Variants in NKAIN3 observed in about 807,000 individuals in gnomAD.
The protein encoded by NKAIN3 is sodium/potassium transporting ATPase interacting 3.
Under a neutral mutation model 30.2 loss-of-function variants are expected in NKAIN3, and 25 were observed. The ratio of observed to expected loss-of-function variants is 0.83; its 90% confidence interval spans 0.60 to 1.16. The LOEUF (loss-of-function observed/expected upper bound fraction) is 1.16. Ranked by LOEUF, NKAIN3 falls within the 50% of genes most tolerant of loss-of-function variation. NKAIN3 has a pLI of 0.00. For missense variants in NKAIN3, 225 were observed against 254.1 expected (o/e 0.89, Z 0.78); for synonymous variants, 91 against 89.6 (o/e 1.02, Z -0.09).
chr8:62,699,702 C>A (rs536983789), intron 3 of NKAIN3, among the ~76,000 whole-genome samples: 36 of 152,198 alleles, frequency 2.4e-4, no homozygotes, highest in Non-Finnish European at 4.6e-4. Context: ...ATTAACATTC[C>A]TGGAGTTATG....
intron 5 of NKAIN3, among the ~76,000 whole-genome samples, chr8:62,953,243 T>C (rs567388966): frequency 6.6e-6 from 1 of 152,322 alleles, no homozygotes; most frequent in South Asian, 2.1e-4. Context: ...AAGTAATTAG[T>C]ATCTTTAATG....
chr8:62,476,240 A>G (rs753357031), intron 1 of NKAIN3, among the ~76,000 whole-genome samples: 13 of 152,318 alleles, frequency 8.5e-5, no homozygotes, highest in Admixed American at 3.3e-4. Context: ...ATAGATATAT[A>G]AAAGCACAGA....
rs12674753 is a variant in NKAIN3 at position 62,582,682 on chromosome 8, A to G, written c.192+3006A>G. On this transcript the variant is annotated intron_variant, in intron 2 of 6. Transcript: ENST00000623646. ...GTTCTGATTTACTCATTAAGCATCT[A>G]TTGAGGACCTGTACTGTGCTAAGTT... Among the ~76,000 whole-genome samples, 283 of 152,292 alleles carry G rather than the reference A, an allele frequency of 1.9e-3. 7 individuals carry two copies. The East Asian group carries it at 0.047, about 25-fold the overall frequency.
At chr8:62,414,397 A>G (rs1217246263) in intron 1 of NKAIN3, among the ~76,000 whole-genome samples, 1 of 148,518 alleles carries the variant, frequency 6.7e-6, no homozygotes, top group Non-Finnish European at 1.5e-5. Context: ...ACATTGAGGA[A>G]TGGGAAGTGT....
chr8:62,918,314 C>T (rs921532524), intron 4 of NKAIN3, 139 bp from the exon 5 acceptor site: 2 of 680,480 alleles, frequency 2.9e-6, no homozygotes, highest in Non-Finnish European at 5.2e-6. Flanking sequence ...AAAATCACAG[C>T]TATCATTTTA....
chr8:62,823,172 G>A (rs1009203258), intron 4 of NKAIN3, among the ~76,000 whole-genome samples: 7 of 152,092 alleles, frequency 4.6e-5, no homozygotes, highest in Non-Finnish European at 1.0e-4. Context: ...TGTACACTTA[G>A]GCTACACAAC....
At chr8:62,833,174 T>C (rs1819250117) in intron 4 of NKAIN3, among the ~76,000 whole-genome samples, 1 of 152,080 alleles carries the variant, frequency 6.6e-6, no homozygotes, top group South Asian at 2.1e-4. Context: ...CCAAAATCTT[T>C]GGGATGCAGC....
chr8:62,859,508 T>TAAAAAAAAAACAAAAAAAAAAAA (rs1820173855), intron 4 of NKAIN3, among the ~76,000 whole-genome samples: 1 of 60,442 alleles, frequency 1.7e-5, no homozygotes, highest in Non-Finnish European at 3.4e-5. Context: ...TTACTTCAAC[T>TAAAAAAAAAACAAAAAAAAAAAA]AAAAAAAAAA....
In NKAIN3 at chr8:62,918,521, C is replaced by T. The variant is rs527680501; in HGVS notation, c.532+8C>T. 16 of 1,594,920 alleles carry T rather than the reference C, an allele frequency of 1.0e-5. No homozygotes were observed. In the South Asian group the frequency reaches 1.7e-4, roughly 17 times the overall value. ...TGGAAGAAGAAGACACATGTAAGTA[C>T]TGTTTTCTCTCTCCCTGTGGGTTCC... On this transcript the variant is annotated splice_region_variant and intron_variant, in intron 5 of 6. Transcript: ENST00000623646.
intron 1 of NKAIN3, among the ~76,000 whole-genome samples, chr8:62,530,373 T>C (rs949944029): frequency 6.6e-6 from 1 of 152,182 alleles, no homozygotes; most frequent in South Asian, 2.1e-4. Context: ...CTTTATCCTG[T>C]GACCCTGAGA....
chr8:62,897,025 G>A (rs1476060007), intron 4 of NKAIN3, among the ~76,000 whole-genome samples: 2 of 106,066 alleles, frequency 1.9e-5, no homozygotes, highest in Non-Finnish European at 3.6e-5. Flanking sequence ...TAAGATAAGG[G>A]AGAACTACAC....
intron 3 of NKAIN3, among the ~76,000 whole-genome samples, chr8:62,640,109 C>G (rs185347297): frequency 6.6e-6 from 1 of 152,090 alleles, no homozygotes; most frequent in South Asian, 2.1e-4. Context: ...AAGGTGGAAT[C>G]CCAAGGTTGT....
At chr8:62,716,215 T>G (rs113655905) in intron 3 of NKAIN3, among the ~76,000 whole-genome samples, 2,629 of 152,234 alleles carry the variant, frequency 0.017, 55 homozygotes, top group African/African-American at 0.054. Context: ...TTGTCAATGA[T>G]ACACAAGACA....
intron 4 of NKAIN3, among the ~76,000 whole-genome samples, chr8:62,868,080 A>C (rs77122661): frequency 0.022 from 3,417 of 152,310 alleles, 122 homozygotes; most frequent in African/African-American, 0.078. Context: ...ACTAGAATGC[A>C]TTAAGAGACC....
intron 1 of NKAIN3, among the ~76,000 whole-genome samples, chr8:62,508,932 AAAACAGTGTCTTTTGGGAATCC>A (rs1455310958): frequency 1.5e-5 from 2 of 134,656 alleles, no homozygotes; most frequent in Admixed American, 1.4e-4. Context: ...ACAGGTTTCT[AAAACAGTGTCTTTTGGGAATCC>A]AGTGACTTCT....
At chr8:62,806,107 T>C (rs569082437) in intron 4 of NKAIN3, among the ~76,000 whole-genome samples, 1 of 152,100 alleles carries the variant, frequency 6.6e-6, no homozygotes, top group Non-Finnish European at 1.5e-5. Flanking sequence ...CAATGAGATA[T>C]CATCTCACAC....
At chr8:62,929,397 C>T (rs190414869) in intron 5 of NKAIN3, among the ~76,000 whole-genome samples, 7 of 152,182 alleles carry the variant, frequency 4.6e-5, no homozygotes, top group African/African-American at 1.4e-4. Flanking sequence ...TTCCTTTGCT[C>T]TATATTTGCC....
intron 4 of NKAIN3, chr8:62,856,958 C>CA: frequency 3.7e-6 from 2 of 547,482 alleles, no homozygotes; most frequent in Admixed American, 2.3e-5. Flanking sequence ...CTGGAGGCAT[C>CA]AACAAAAAAA....
chr8:62,424,835 A>G (rs1046079313), intron 1 of NKAIN3, among the ~76,000 whole-genome samples: 1 of 151,912 alleles, frequency 6.6e-6, no homozygotes, highest in African/African-American at 2.4e-5. Context: ...TTGAAGACAT[A>G]TTTGCACTCT....
Sources: allele counts gnomAD v4.1 joint callset (sites outside exome capture counted in the v4.1 genomes callset), GRCh38; gene constraint gnomAD v4.1.1; transcripts MANE v1.5; gene names NCBI Gene and HGNC (gene_info 2026-07-23, HGNC 2026-07-21).